Variants in HIBADH observed in about 807,000 individuals in gnomAD.
The protein encoded by HIBADH is 3-hydroxyisobutyrate dehydrogenase, mitochondrial.
Under a neutral mutation model 36.1 loss-of-function variants are expected in HIBADH, and 25 were observed. The ratio of observed to expected loss-of-function variants is 0.69; its 90% CI spans 0.50 to 0.97. HIBADH has a LOEUF of 0.97. Among genes scored for constraint, HIBADH ranks in the 50% least tolerant of loss-of-function variants. The pLI, the probability that HIBADH is intolerant of heterozygous loss-of-function variation, is 0.00. For missense variants in HIBADH, 421 were observed against 418.0 expected (o/e 1.01, Z -0.06); for synonymous variants, 160 against 149.5 (o/e 1.07, Z -0.51).
Position 27,531,256 on chromosome 7 carries a change from A to G in HIBADH, c.788T>C (p.Val263Ala). The G allele has an allele frequency of 6.2e-7, 1 of 1,613,940 alleles. No homozygotes were observed. The highest frequency in any genetic ancestry group is 8.5e-7 in the Non-Finnish European group (1 of 1,179,912). The change falls in exon 7 of 8, where the codon GTG (valine) becomes GCG (alanine). Residue 263 changes from valine (V) to alanine (A), a missense_variant. Coordinates refer to ENST00000265395, the MANE Select transcript of HIBADH (RefSeq NM_152740.4). ...SSDTYNPVPG[V>A]MDGVPSANNY... Reference sequence around the variant, plus strand: ...ATTAGCCGAGGGAACGCCATCCATCACTCCAGGTACAGGATTATAAGTGTC... The same window carrying G: ...ATTAGCCGAGGGAACGCCATCCATCGCTCCAGGTACAGGATTATAAGTGTC...
intron 7 of HIBADH, among the ~76,000 whole-genome samples, chr7:27,527,099 G>C (rs1447710589): frequency 6.6e-6 from 1 of 151,954 alleles, no homozygotes; most frequent in Non-Finnish European, 1.5e-5. Flanking sequence ...AGGTTTCCAA[G>C]AGACAGAACA....
At chr7:27,625,395 G>A (rs1453809988) in intron 4 of HIBADH, among the ~76,000 whole-genome samples, 2 of 151,922 alleles carry the variant, frequency 1.3e-5, no homozygotes, top group Non-Finnish European at 2.9e-5. Flanking sequence ...CACAGAATAT[G>A]CTCATTATGG....
chr7:27,661,208 C>G (rs995807103), intron 1 of HIBADH, among the ~76,000 whole-genome samples: 4 of 152,132 alleles, frequency 2.6e-5, no homozygotes, highest in Non-Finnish European at 5.9e-5. Context: ...TGGTCTCTTG[C>G]ATCTCACCGA....
At chr7:27,639,754 C>T (rs574853619) in intron 2 of HIBADH, among the ~76,000 whole-genome samples, 23 of 151,958 alleles carry the variant, frequency 1.5e-4, no homozygotes, top group African/African-American at 4.3e-4. Context: ...TAAAGGGATA[C>T]GGAAACGTCC....
At chr7:27,600,380 C>T (rs1785110533) in intron 4 of HIBADH, among the ~76,000 whole-genome samples, 1 of 151,980 alleles carries the variant, frequency 6.6e-6, no homozygotes, top group Non-Finnish European at 1.5e-5. Context: ...TTGGTCCTGC[C>T]ATAATCAAAC....
intron 4 of HIBADH, among the ~76,000 whole-genome samples, chr7:27,602,352 C>T (rs538263530): frequency 2.0e-4 from 31 of 152,220 alleles, no homozygotes; most frequent in Non-Finnish European, 4.0e-4. Context: ...TTTGAATCTA[C>T]TTATTGATAA....
intron 4 of HIBADH, among the ~76,000 whole-genome samples, chr7:27,572,553 A>G (rs1784644685): frequency 6.6e-6 from 1 of 152,210 alleles, no homozygotes; most frequent in African/African-American, 2.4e-5. Flanking sequence ...ATCTATTTTT[A>G]CAAATGAAAT....
intron 1 of HIBADH, among the ~76,000 whole-genome samples, chr7:27,650,742 T>C (rs947959330): frequency 6.7e-6 from 1 of 149,524 alleles, no homozygotes; most frequent in Admixed American, 6.7e-5. Context: ...CCTTAAAAAC[T>C]ACACAGGTTT....
intron 2 of HIBADH, among the ~76,000 whole-genome samples, chr7:27,634,576 A>G (rs568309049): frequency 4.9e-4 from 74 of 152,304 alleles, no homozygotes; most frequent in African/African-American, 1.7e-3. Flanking sequence ...TCCTACTCTA[A>G]TAAACACAAT....
At chr7:27,655,479 A>G (rs552027477) in intron 1 of HIBADH, among the ~76,000 whole-genome samples, 2 of 152,364 alleles carry the variant, frequency 1.3e-5, no homozygotes, top group East Asian at 3.9e-4. Context: ...GTTTCTAAGG[A>G]AAGAGTATAT....
At chr7:27,631,613 A>C (rs1785747345) in intron 3 of HIBADH, among the ~76,000 whole-genome samples, 2 of 152,210 alleles carry the variant, frequency 1.3e-5, no homozygotes, top group African/African-American at 4.8e-5. Context: ...GTTTGGCAAT[A>C]AGCAGCAATT....
chr7:27,563,916 T>TTTG (rs397957438), intron 4 of HIBADH, among the ~76,000 whole-genome samples: 1 of 150,720 alleles, frequency 6.6e-6, no homozygotes, highest in East Asian at 1.9e-4. Flanking sequence ...TTTTTTTTTT[T>TTTG]GAGATGGAGT....
intron 3 of HIBADH, among the ~76,000 whole-genome samples, 171 bp downstream of exon 3, chr7:27,632,165 A>G (rs540548803): frequency 2.0e-4 from 31 of 152,362 alleles, no homozygotes; most frequent in African/African-American, 7.2e-4. Flanking sequence ...ACTTGACTTC[A>G]GTGAAAAAAT....
intron 1 of HIBADH, among the ~76,000 whole-genome samples, chr7:27,650,561 C>T (rs975084775): frequency 2.7e-5 from 4 of 150,690 alleles, no homozygotes; most frequent in African/African-American, 7.3e-5. Context: ...AATGCAATCT[C>T]GGCTCACTGA....
chr7:27,536,841 G>A (rs1236362276), intron 6 of HIBADH, among the ~76,000 whole-genome samples: 1 of 152,156 alleles, frequency 6.6e-6, no homozygotes, highest in African/African-American at 2.4e-5. Flanking sequence ...GAGTCAATGG[G>A]CAAAGAGGGA....
At chr7:27,545,002 C>T (rs1784215535) in intron 4 of HIBADH, among the ~76,000 whole-genome samples, 1 of 152,134 alleles carries the variant, frequency 6.6e-6, no homozygotes, top group Non-Finnish European at 1.5e-5. Flanking sequence ...TAATTATTTC[C>T]GACTTCATCA....
At chr7:27,539,616 G>A (rs989205211) in intron 5 of HIBADH, among the ~76,000 whole-genome samples, 1 of 152,022 alleles carries the variant, frequency 6.6e-6, no homozygotes, top group African/African-American at 2.4e-5. Context: ...TTATTGCTGC[G>A]TGATTGTACT....
At chr7:27,601,345 T>A (rs1470572989) in intron 4 of HIBADH, among the ~76,000 whole-genome samples, 1 of 152,138 alleles carries the variant, frequency 6.6e-6, no homozygotes, top group African/African-American at 2.4e-5. Context: ...GTTACCAATA[T>A]AATTCTTTCA....
chr7:27,645,368 A>G (rs7457947), intron 2 of HIBADH, among the ~76,000 whole-genome samples: 3 of 59,650 alleles, frequency 5.0e-5, no homozygotes, highest in African/African-American at 6.3e-5. Flanking sequence ...CATGGTTTTG[A>G]TTTTTTTTTT....
Sources: allele counts gnomAD v4.1 joint callset (sites outside exome capture counted in the v4.1 genomes callset), GRCh38; gene constraint gnomAD v4.1.1; transcripts MANE v1.5; gene names NCBI Gene and HGNC (gene_info 2026-07-23, HGNC 2026-07-21).